BDH1: variants seen among roughly 807,000 people sequenced by gnomAD.
BDH1 encodes 3-hydroxybutyrate dehydrogenase 1.
A neutral mutation model predicts 33.1 loss-of-function variants in BDH1; 30 were observed. The ratio of observed to expected loss-of-function variants is 0.91; its 90% CI spans 0.68 to 1.23. BDH1 has a LOEUF of 1.23. Among genes scored for constraint, BDH1 ranks in the 50% most tolerant of loss-of-function variants. The probability of loss-of-function intolerance (pLI) is 0.00; values close to 1 mark genes in which losing one functional copy is unlikely to be tolerated. For synonymous variants in BDH1, 190 were observed against 183.6 expected (o/e 1.03, Z -0.28); for missense variants, 443 against 464.4 (o/e 0.95, Z 0.42).
At chr3:197,543,817 G>C (rs1019543229) in intron 3 of BDH1, among the ~76,000 whole-genome samples, 5 of 152,194 alleles carry the variant, frequency 3.3e-5, no homozygotes, top group African/African-American at 1.2e-4. Context: ...AGTAAGAGTA[G>C]ACAAGTGGGT....
In BDH1 at chr3:197,542,617, G is replaced by C. The variant is rs149998917; in HGVS notation, c.83+3744C>G. Among the ~76,000 whole-genome samples, 555 of 143,630 alleles carry C rather than the reference G, an allele frequency of 3.9e-3. 5 individuals are homozygous for C. The highest frequency in any genetic ancestry group is 0.014 in the African/African-American group (528 of 37,602). 94.2% of individuals were successfully genotyped at this position (143,630 alleles called of 152,430 possible). On this transcript the variant is annotated intron_variant, in intron 3 of 7. Transcript: ENST00000392379. The stretch of plus-strand genomic sequence containing the variant: ...CGGCTCACCGCAACCTCTTCCTCCC[G>C]GGTTCAAGCGATTCTCCCGCCTCAG...
At chr3:197,546,537 A>G in intron 2 of BDH1, 51 bp from the exon 3 acceptor site, 1 of 1,266,398 alleles carries the variant, frequency 7.9e-7, no homozygotes, top group Non-Finnish European at 1.1e-6. Flanking sequence ...CCGGGCTTTA[A>G]TCAGGAGCAG....
chr3:197,557,708 C>A (rs906286605), upstream of BDH1, among the ~76,000 whole-genome samples: 10 of 152,198 alleles, frequency 6.6e-5, no homozygotes, highest in Non-Finnish European at 1.5e-4. This position sits in a 1 kb window ranked among gnomAD's most constrained non-coding sequence, Gnocchi z 4.6. Flanking sequence ...CAGTGGGAGA[C>A]TGTCTCAAAA....
At chr3:197,518,847 G>T (rs1203708637) in intron 6 of BDH1, among the ~76,000 whole-genome samples, 1 of 25,680 alleles carries the variant, frequency 3.9e-5, no homozygotes, top group African/African-American at 4.6e-4. Flanking sequence ...CCCTCCTCAG[G>T]CCGACCCCCC....
At chr3:197,534,863 CCTGT>C (rs1262524996) in intron 3 of BDH1, among the ~76,000 whole-genome samples, 1 of 152,176 alleles carries the variant, frequency 6.6e-6, no homozygotes, top group East Asian at 1.9e-4. Flanking sequence ...TTATTTGTCA[CCTGT>C]CTTAGTCTGT....
chr3:197,563,928 C>A lies in BDH1; in HGVS notation c.-44+9253G>T, dbSNP rs576035210. ...ACCAGCCTGGTCAACATGGTAAAATCCCATCTCTACTAAAAATACAAAAAT... is the reference window on the plus strand; with the variant it reads ...ACCAGCCTGGTCAACATGGTAAAATACCATCTCTACTAAAAATACAAAAAT... On this transcript the variant is annotated intron_variant, in intron 1 of 6. Coordinates refer to the BDH1 transcript ENST00000358186. 2.0e-5 allele frequency among the ~76,000 whole-genome samples: 3 copies of A among 151,822 alleles called. No individual in the cohort carries two copies. The East Asian group carries it at 5.8e-4, about 29-fold the overall frequency.
chr3:197,553,986 C>G (rs1716784216), intron 2 of BDH1, among the ~76,000 whole-genome samples: 1 of 152,230 alleles, frequency 6.6e-6, no homozygotes, highest in South Asian at 2.1e-4. Context: ...CCCGAGGACA[C>G]AAGCTGAGCC....
In BDH1 at chr3:197,516,021, C is replaced by G. The variant is rs760120481; in HGVS notation, c.410-1605G>C. On this transcript the variant is annotated intron_variant, in intron 6 of 7. Transcript: ENST00000392379. The surrounding 1 kb of genome is among the most constrained non-coding windows in gnomAD (Gnocchi z 4.2). ...TCTCCAGGGTCTCCAGGGTGGTACA[C>G]CAAGGACCTCACCCCCAGTCTTCAC... Among the ~76,000 whole-genome samples, 2 of 152,330 alleles carry G rather than the reference C, an allele frequency of 1.3e-5. No individual in the cohort carries two copies. Among genetic ancestry groups the G allele is most frequent in the South Asian group, 4.1e-4 (2 of 4,830 alleles).
chr3:197,533,899 G>A (rs1421511909), intron 3 of BDH1: 6 of 310,096 alleles, frequency 1.9e-5, no homozygotes, highest in Non-Finnish European at 3.6e-5. Flanking sequence ...GACATGGATA[G>A]GTAATGTTTC....
upstream of BDH1, among the ~76,000 whole-genome samples, chr3:197,558,519 C>T (rs1418546554): frequency 6.6e-6 from 1 of 151,982 alleles, no homozygotes; most frequent in Non-Finnish European, 1.5e-5. Flanking sequence ...TCCCTCCTTC[C>T]CTATTTGACT....
intron 3 of BDH1, among the ~76,000 whole-genome samples, chr3:197,535,413 T>C (rs1715065083): frequency 1.3e-5 from 2 of 152,198 alleles, no homozygotes; most frequent in Admixed American, 1.3e-4. Context: ...CAAAAGTATT[T>C]CACTTGGACT....
At chr3:197,571,826 A>T (rs139320192) in intron 1 of BDH1, among the ~76,000 whole-genome samples, 67 of 152,322 alleles carry the variant, frequency 4.4e-4, no homozygotes, top group African/African-American at 1.5e-3. Flanking sequence ...ACTTTGGGAG[A>T]ACAAGATGGG....
intron 6 of BDH1, among the ~76,000 whole-genome samples, chr3:197,519,537 G>A (rs1289812587): frequency 1.4e-4 from 22 of 151,994 alleles, no homozygotes; most frequent in East Asian, 3.9e-4. Context: ...GGTGGCAGGC[G>A]CCTGTAATCC....
rs199916775 is a variant in BDH1, at chr3:197,531,418, A to AAT, written c.267+992_267+993dup. 2.4e-3 allele frequency among the ~76,000 whole-genome samples: 323 copies of AAT among 137,240 alleles called. 2 individuals carry two copies. The highest frequency in any genetic ancestry group is 5.2e-3 in the East Asian group (23 of 4,446). 90.0% of individuals were successfully genotyped at this position (137,240 alleles called of 152,430 possible). The stretch of plus-strand genomic sequence containing the variant: ...TCTCAAAAACATAAATTAAAAAAAA[A>AAT]ATATATATATATATATATGTGTATA... On this transcript the variant is annotated intron_variant, in intron 5 of 7. Transcript: ENST00000392379.
In BDH1 at chr3:197,525,219, C is replaced by T. The variant is rs951221920; in HGVS notation, c.268-2438G>A. On this transcript the variant is annotated intron_variant, in intron 5 of 7. Coordinates refer to ENST00000392379, the MANE Select transcript of BDH1 (RefSeq NM_203314.3). The surrounding 1 kb of genome is among the most constrained non-coding windows in gnomAD (Gnocchi z 4.9). ...GCGGCACACAGGTACCAGGAAAACA[C>T]GTGTCTTGCTTTAATGCAGTCTTCC... is the stretch of plus-strand genomic sequence containing the variant. 2.6e-5 allele frequency among the ~76,000 whole-genome samples: 4 copies of T among 152,222 alleles called. No individual in the cohort carries two copies. Among genetic ancestry groups the T allele is most frequent in the Non-Finnish European group, 5.9e-5 (4 of 68,044 alleles).
At position 197,522,452 on chromosome 3, in the gene BDH1, T is replaced by C. The variant is rs144692233; in HGVS notation, c.409+188A>G. 2.3e-3 allele frequency among the ~76,000 whole-genome samples: 346 copies of C among 152,282 alleles called. No homozygotes were observed. The highest frequency in any genetic ancestry group is 8.0e-3 in the African/African-American group (333 of 41,554). On this transcript the variant is annotated intron_variant, in intron 6 of 7. Coordinates refer to ENST00000392379, the MANE Select transcript of BDH1 (RefSeq NM_203314.3). The surrounding 1 kb of genome is among the most constrained non-coding windows in gnomAD (Gnocchi z 4.8). ...CTCTGAAATCACCTCCTGACTGTATTTTTCCATTGCCCTATTGCACGTGTA... is the reference window on the plus strand; with the variant it reads ...CTCTGAAATCACCTCCTGACTGTATCTTTCCATTGCCCTATTGCACGTGTA...
At chr3:197,551,591 C>A (rs1579994204) in intron 2 of BDH1, among the ~76,000 whole-genome samples, 2 of 152,296 alleles carry the variant, frequency 1.3e-5, no homozygotes, top group Non-Finnish European at 2.9e-5. Flanking sequence ...ATATACCCAG[C>A]AGTGGCACTG....
rs528984948 is a variant in BDH1, at chr3:197,519,829, G to A, written c.409+2811C>T. On this transcript the variant is annotated intron_variant, in intron 6 of 7. Transcript: ENST00000392379. ...GGCTCCAGATGTCCTGTCCCTCAGC[G>A]TCCTGCGGGGGTCGGGGCCGGTGGC... Among the ~76,000 whole-genome samples, 23 of 152,232 alleles carry A rather than the reference G, an allele frequency of 1.5e-4. No individual in the cohort carries two copies. The South Asian group carries it at 3.9e-3, about 26-fold the overall frequency.
intron 5 of BDH1, among the ~76,000 whole-genome samples, chr3:197,527,579 C>G (rs984697677): frequency 6.6e-6 from 1 of 152,152 alleles, no homozygotes; most frequent in Non-Finnish European, 1.5e-5. Context: ...TCTCATTAAG[C>G]CTTCCCTATG....
Sources: allele counts gnomAD v4.1 joint callset (sites outside exome capture counted in the v4.1 genomes callset), GRCh38; gene constraint gnomAD v4.1.1; non-coding constraint Gnocchi (gnomAD v3.1); transcripts MANE v1.5; gene names NCBI Gene and HGNC (gene_info 2026-07-23, HGNC 2026-07-21).